The following ASH1L variants were observed in gnomAD, a reference collection of about 807,000 sequenced individuals.
ASH1L encodes ASH1 like histone lysine methyltransferase.
A neutral mutation model predicts 269.0 loss-of-function variants in ASH1L; 23 were observed. The ratio of observed to expected loss-of-function variants is 0.09; its 90% CI spans 0.06 to 0.12. ASH1L has a LOEUF of 0.12. Ranked by LOEUF, ASH1L falls within the 10% of genes least tolerant of loss-of-function variation. ASH1L has a pLI of 1.00. For missense variants in ASH1L, 2,912 were observed against 3,567.8 expected (o/e 0.82, Z 4.68); for synonymous variants, 1,187 against 1,253.5 (o/e 0.95, Z 1.12).
intron 2 of ASH1L, among the ~76,000 whole-genome samples, chr1:155,501,380 A>C (rs553329379): frequency 2.6e-5 from 4 of 152,010 alleles, no homozygotes; most frequent in Non-Finnish European, 5.9e-5. Flanking sequence ...GATGTTCCTA[A>C]TTATTTATTA....
chr1:155,546,158 C>CAAA (rs57715557), intron 1 of ASH1L, among the ~76,000 whole-genome samples: 37 of 110,722 alleles, frequency 3.3e-4, no homozygotes, highest in African/African-American at 3.7e-4. Flanking sequence ...ATTCCATCAC[C>CAAA]AAAAAAAAAA....
intron 1 of ASH1L, among the ~76,000 whole-genome samples, chr1:155,533,941 T>C (rs755617571): frequency 1.1e-4 from 16 of 152,104 alleles, no homozygotes; most frequent in African/African-American, 1.4e-4. Flanking sequence ...CCTCAAAATA[T>C]GTTTTGAGAA....
rs1570943873 is a variant in ASH1L at position 155,343,197 on chromosome 1, T to G, written c.8293+117A>C. ...AGTTTTGCCACGTTGGCCAGGCTGG[T>G]CTCACACTCCTGGGCTTAAGCAATC... On this transcript the variant is annotated intron_variant, in intron 24 of 27. Transcript: ENST00000392403. The surrounding 1 kb of genome is among the most constrained non-coding windows in gnomAD (Gnocchi z 6.1). The G allele has an allele frequency of 8.6e-7, 1 of 1,164,558 alleles. No individual in the cohort carries two copies. Among genetic ancestry groups the G allele is most frequent in the Non-Finnish European group, 1.2e-6 (1 of 825,208 alleles). 72.1% of individuals were successfully genotyped at this position (1,164,558 alleles called of 1,614,324 possible). A position where few individuals can be genotyped will look rare whatever the true frequency, so the allele number is the denominator to read the frequency against.
intron 4 of ASH1L, among the ~76,000 whole-genome samples, chr1:155,452,870 T>C (rs1663590553): frequency 6.6e-6 from 1 of 152,170 alleles, no homozygotes; most frequent in African/African-American, 2.4e-5. Flanking sequence ...ATGTAATCTT[T>C]ATGGGGGCCT....
chr1:155,399,888 G>A (rs752869993), intron 6 of ASH1L, among the ~76,000 whole-genome samples: 1 of 152,090 alleles, frequency 6.6e-6, no homozygotes, highest in Non-Finnish European at 1.5e-5. Context: ...AGGAAGTAAG[G>A]AAAATGATCA....
intron 1 of ASH1L, among the ~76,000 whole-genome samples, chr1:155,555,479 A>T (rs1488803806): frequency 1.4e-5 from 2 of 147,598 alleles, no homozygotes; most frequent in Non-Finnish European, 3.0e-5. Flanking sequence ...CCTGGGCAAC[A>T]GAGTGAGACT....
rs529311439 is a variant in ASH1L, at chr1:155,430,029, G to T, written c.5828+8298C>A. On this transcript the variant is annotated intron_variant, in intron 5 of 27. Coordinates refer to ENST00000392403, the MANE Select transcript of ASH1L (RefSeq NM_018489.3). ...CTCACTCTGTCGCCCAGGCTGGAGC[G>T]CACTGATGCGATCTCAGCTCACTGC... 2.0e-5 allele frequency among the ~76,000 whole-genome samples: 3 copies of T among 151,568 alleles called. No homozygotes were observed. The South Asian group carries it at 6.2e-4, about 32-fold the overall frequency.
At chr1:155,427,614 T>A (rs1558092714) in intron 5 of ASH1L, among the ~76,000 whole-genome samples, 1 of 152,014 alleles carries the variant, frequency 6.6e-6, no homozygotes, top group East Asian at 1.9e-4. Flanking sequence ...AATTTTTCTA[T>A]TTTTAGTAGA....
intron 1 of ASH1L, among the ~76,000 whole-genome samples, chr1:155,544,054 T>A (rs1670629252): frequency 1.3e-5 from 2 of 152,088 alleles, no homozygotes; most frequent in African/African-American, 4.8e-5. Context: ...TGTTTGAACA[T>A]GGCTTACTGT....
Position 155,360,466 on chromosome 1 carries a change from C to T in ASH1L, c.6687-57G>A, listed in dbSNP as rs554268159. On this transcript the variant is annotated intron_variant, in intron 12 of 27. Transcript: ENST00000392403. ...TGGAAATTTTTTTTTTTTTTTGAGA[C>T]GGAGTCTCCCTCTGTTGCCTAGGCT... 43 of 1,025,250 alleles carry T rather than the reference C, an allele frequency of 4.2e-5. No individual in the cohort carries two copies. The South Asian group carries it at 4.9e-4, about 12-fold the overall frequency. The allele number at this position is 1,025,250 out of a possible 1,614,324, so 63.5% of individuals were successfully genotyped here.
chr1:155,475,484 A>G (rs1287940028), intron 3 of ASH1L, among the ~76,000 whole-genome samples: 1 of 152,150 alleles, frequency 6.6e-6, no homozygotes, highest in Non-Finnish European at 1.5e-5. Flanking sequence ...ATCCTCAGCC[A>G]TAACTAGTAA....
At chr1:155,493,686 G>A (rs1666961703) in intron 2 of ASH1L, among the ~76,000 whole-genome samples, 1 of 152,086 alleles carries the variant, frequency 6.6e-6, no homozygotes, top group Non-Finnish European at 1.5e-5. Flanking sequence ...TAGCCAACAT[G>A]GTGAAACCCC....
At chr1:155,378,637 T>C (rs1656672032) in intron 8 of ASH1L, 89 bp from the exon 9 acceptor site, 6 of 1,026,130 alleles carry the variant, frequency 5.8e-6, no homozygotes, top group Non-Finnish European at 8.9e-6. Flanking sequence ...GGAAATTTTC[T>C]ATGTGCTCTG....
Position 155,343,295 on chromosome 1 carries a change from A to T in ASH1L, c.8293+19T>A. The T allele has an allele frequency of 6.2e-7, 1 of 1,600,220 alleles. No homozygotes were observed. The highest frequency in any genetic ancestry group is 1.1e-5 in the South Asian group (1 of 89,254). On this transcript the variant is annotated intron_variant, in intron 24 of 27. Transcript: ENST00000392403. This position sits in a 1 kb window ranked among gnomAD's most constrained non-coding sequence, Gnocchi z 6.1. ...TGCACTTGGCCGAGGTCATTTTTTA[A>T]CTAGCCCAGATCACTTACCTTTACA...
At position 155,481,093 on chromosome 1, in the gene ASH1L, C is replaced by T. The variant is rs867128307; in HGVS notation, c.1777G>A (p.Glu593Lys). The change falls in exon 3 of 28, where the codon GAA becomes AAA. Residue 593 changes from glutamate (E) to lysine (K), a missense_variant. Glu to Lys is a moderately conservative substitution (Grantham distance 56). Around this residue, in one of 13 missense-constraint regions of ASH1L, gnomAD observed 715 missense variants for 721.0 expected, o/e 0.99. Coordinates refer to ENST00000392403, the MANE Select transcript of ASH1L (RefSeq NM_018489.3). ...TTTCCAACAGATTCAGAAATTTCTTCGATTAGTTCTGTAGTAGAACTTAAA... is the reference window on the plus strand; with the variant it reads ...TTTCCAACAGATTCAGAAATTTCTTTGATTAGTTCTGTAGTAGAACTTAAA... ...LLLSSTTELI[E>K]EISESVGKNQ... is the part of the protein sequence containing the mutation. The T allele has an allele frequency of 6.2e-7, 1 of 1,613,990 alleles. No homozygotes were observed.
At chr1:155,487,195 C>T (rs1266110541) in intron 2 of ASH1L, among the ~76,000 whole-genome samples, 1 of 151,836 alleles carries the variant, frequency 6.6e-6, no homozygotes, top group African/African-American at 2.4e-5. Flanking sequence ...AAAAGCCTCA[C>T]GAACAACACT....
intron 2 of ASH1L, among the ~76,000 whole-genome samples, chr1:155,509,851 A>T (rs1408744416): frequency 6.6e-6 from 1 of 152,158 alleles, no homozygotes; most frequent in Non-Finnish European, 1.5e-5. Context: ...AGCCATTTGG[A>T]AAGAGATAAA....
intron 4 of ASH1L, among the ~76,000 whole-genome samples, chr1:155,457,932 T>C (rs998669367): frequency 6.6e-6 from 1 of 152,188 alleles, no homozygotes; most frequent in Admixed American, 6.5e-5. Flanking sequence ...AGAGTAAATA[T>C]TTTAGGCTTT....
At chr1:155,483,536 C>T (rs1199039309) in intron 2 of ASH1L, among the ~76,000 whole-genome samples, 2 of 151,968 alleles carry the variant, frequency 1.3e-5, no homozygotes, top group African/African-American at 4.8e-5. Context: ...CAAATTCAAG[C>T]ACGTATGAAA....
Sources: gnomAD v4.1 joint callset for allele counts (sites outside exome capture counted in the v4.1 genomes callset) on GRCh38, gnomAD v4.1.1 for gene constraint, gnomAD v4.1.1 regional missense constraint, Gnocchi (gnomAD v3.1) non-coding constraint, MANE v1.5 for transcripts, NCBI Gene and HGNC (gene_info 2026-07-23, HGNC 2026-07-21) for gene names.